GALNT17: variants seen among roughly 807,000 people sequenced by gnomAD.
GALNT17 encodes UDP-GalNAc:polypeptide N-acetylgalactosaminyltransferase-like 3.
GALNT17 carries 29 observed loss-of-function variants against 63.7 expected under a neutral mutation model. That is an observed-to-expected ratio of 0.46 (90% CI 0.34 to 0.62). The LOEUF is 0.62. GALNT17 is among the 20% of genes least tolerant of loss of function. The pLI, the probability that GALNT17 is intolerant of heterozygous loss-of-function variation, is 0.01. For synonymous variants in GALNT17, 305 were observed against 318.3 expected, an observed-to-expected ratio of 0.96 and a Z score of 0.45; for missense variants, 603 against 799.6, an observed-to-expected ratio of 0.75 and a Z score of 2.97.
chr7:71,295,411 C>T (rs980102296), intron 1 of GALNT17, among the ~76,000 whole-genome samples: 3 of 151,710 alleles, frequency 2.0e-5, no homozygotes, highest in Non-Finnish European at 4.4e-5. Context: ...TGCCTTTCTC[C>T]CTTCTCTTCC....
chr7:71,456,108 T>C (rs1787350666), intron 5 of GALNT17, among the ~76,000 whole-genome samples: 1 of 151,984 alleles, frequency 6.6e-6, no homozygotes. Context: ...TATCTGGGCG[T>C]GGTGCCACGT....
chr7:71,590,055 T>G (rs960039774), intron 6 of GALNT17, among the ~76,000 whole-genome samples: 2 of 152,226 alleles, frequency 1.3e-5, no homozygotes, highest in Non-Finnish European at 2.9e-5. Context: ...TTTCATGTAC[T>G]ACACTATCTC....
intron 5 of GALNT17, among the ~76,000 whole-genome samples, chr7:71,473,234 T>G (rs531856763): frequency 6.6e-6 from 1 of 152,160 alleles, no homozygotes; most frequent in Non-Finnish European, 1.5e-5. Context: ...GTTCTTGTTA[T>G]GTAGATGAAG....
chr7:71,508,574 T>C (rs1788303109), intron 5 of GALNT17, among the ~76,000 whole-genome samples: 1 of 152,120 alleles, frequency 6.6e-6, no homozygotes, highest in East Asian at 1.9e-4. Flanking sequence ...CATGGGTGGT[T>C]AGCAGACTCT....
chr7:71,648,383 G>T (rs544641756), intron 6 of GALNT17, among the ~76,000 whole-genome samples: 1 of 151,532 alleles, frequency 6.6e-6, no homozygotes, highest in Non-Finnish European at 1.5e-5. Flanking sequence ...CAATTCTCCC[G>T]CGTCAGCCTC....
intron 1 of GALNT17, among the ~76,000 whole-genome samples, chr7:71,225,061 T>G (rs796497505): frequency 3.9e-5 from 6 of 152,272 alleles, no homozygotes; most frequent in African/African-American, 1.4e-4. Context: ...CTCCACCTCC[T>G]GGGTTCAAGT....
At chr7:71,616,174 G>T (rs1790199068) in intron 6 of GALNT17, among the ~76,000 whole-genome samples, 1 of 152,120 alleles carries the variant, frequency 6.6e-6, no homozygotes, top group South Asian at 2.1e-4. Context: ...CGCCTGGCAG[G>T]TGGTCAAGAC....
intron 2 of GALNT17, among the ~76,000 whole-genome samples, chr7:71,355,125 T>C (rs1337363270): frequency 6.6e-6 from 1 of 152,206 alleles, no homozygotes; most frequent in Non-Finnish European, 1.5e-5. Flanking sequence ...TTGTTAATTA[T>C]GTTTTAAAAA....
chr7:71,263,201 T>C (rs1790417275), intron 1 of GALNT17, among the ~76,000 whole-genome samples: 1 of 150,862 alleles, frequency 6.6e-6, no homozygotes, highest in Non-Finnish European at 1.5e-5. Context: ...CTACTAAAAA[T>C]ATAAAAAATT....
chr7:71,539,857 T>C (rs73181346), intron 5 of GALNT17, among the ~76,000 whole-genome samples: 129 of 151,784 alleles, frequency 8.5e-4, no homozygotes, highest in Non-Finnish European at 1.5e-3. Flanking sequence ...GGAGCTACTA[T>C]GGTAGCACAA....
At chr7:71,689,140 G>A (rs1325457211) in intron 9 of GALNT17, among the ~76,000 whole-genome samples, 1 of 151,966 alleles carries the variant, frequency 6.6e-6, no homozygotes, top group Non-Finnish European at 1.5e-5. Flanking sequence ...TGTGTTTGAC[G>A]GCTCCACTGT....
At chr7:71,683,748 T>G (rs1791305016) in intron 9 of GALNT17, among the ~76,000 whole-genome samples, 1 of 152,120 alleles carries the variant, frequency 6.6e-6, no homozygotes, top group Non-Finnish European at 1.5e-5. Context: ...TGGCTCACGC[T>G]TGTAATCCCA....
intron 1 of GALNT17, chr7:71,284,064 C>G (rs901101226): frequency 1.3e-5 from 2 of 152,162 alleles, no homozygotes; most frequent in African/African-American, 2.4e-5. Context: ...GCAACCGGCT[C>G]TGGTTCTTTT....
chr7:71,559,889 A>G (rs1385645380), intron 5 of GALNT17, among the ~76,000 whole-genome samples: 1 of 108,002 alleles, frequency 9.3e-6, no homozygotes, highest in Non-Finnish European at 1.9e-5. Context: ...CATTTTCAAC[A>G]TTAAAAACAA....
chr7:71,214,781 T>C (rs1482754449), intron 1 of GALNT17, among the ~76,000 whole-genome samples: 1 of 152,172 alleles, frequency 6.6e-6, no homozygotes, highest in Non-Finnish European at 1.5e-5. Flanking sequence ...TTTCACCATG[T>C]TGGCTAGGCT....
chr7:71,212,436 A>G (rs1562919646), intron 1 of GALNT17, among the ~76,000 whole-genome samples: 1 of 152,264 alleles, frequency 6.6e-6, no homozygotes, highest in Non-Finnish European at 1.5e-5. Flanking sequence ...CTGCTAAGGC[A>G]GTGCAGAAGG....
chr7:71,388,241 G>C lies in GALNT17; in HGVS notation c.429G>C (p.Lys143Asn). ...CCGATCTCTCCTTCCCCAGGTGTAA[G>C]GAGCTCAAGTACTCCAAGGACCTGC... ...SIPDYRPTKC[K>N]ELKYSKDLPQ... is the part of the protein sequence containing the mutation. The change falls in exon 3 of 11, where the codon AAG becomes AAC. Residue 143 changes from lysine to asparagine, a missense_variant. By Grantham distance (94) the Lys-to-Asn change is moderately conservative. Coordinates refer to ENST00000333538, the MANE Select transcript of GALNT17 (RefSeq NM_022479.3). 6.2e-7 allele frequency: 1 copy of C among 1,613,568 alleles called. No individual in the cohort carries two copies. Among genetic ancestry groups the C allele is most frequent in the African/African-American group, 1.3e-5 (1 of 74,986 alleles).
At chr7:71,613,621 G>C (rs924892601) in intron 6 of GALNT17, among the ~76,000 whole-genome samples, 12 of 151,994 alleles carry the variant, frequency 7.9e-5, no homozygotes, top group Non-Finnish European at 1.5e-4. Context: ...GCTTATGTCT[G>C]GGTATTTTTA....
intron 6 of GALNT17, among the ~76,000 whole-genome samples, chr7:71,581,452 G>A (rs772639290): frequency 2.6e-5 from 4 of 152,068 alleles, no homozygotes; most frequent in Non-Finnish European, 4.4e-5. Flanking sequence ...GAGCCACTGC[G>A]CCCGGCCACG....
Sources: allele counts gnomAD v4.1 joint callset (sites outside exome capture counted in the v4.1 genomes callset), GRCh38; gene constraint gnomAD v4.1.1; transcripts MANE v1.5; gene names NCBI Gene and HGNC (gene_info 2026-07-23, HGNC 2026-07-21).